Variants in PDE1A observed in about 807,000 individuals in gnomAD.
PDE1A encodes the protein dual specificity calcium/calmodulin-dependent 3',5'-cyclic nucleotide phosphodiesterase 1A.
Under a neutral mutation model 61.7 loss-of-function variants are expected in PDE1A, and 35 were observed. The observed-to-expected ratio is 0.57, with a 90% confidence interval of 0.43 to 0.75. The LOEUF is 0.75. PDE1A is among the 30% of genes least tolerant of loss of function. The pLI, the probability that PDE1A is intolerant of heterozygous loss-of-function variation, is 0.00. For synonymous variants in PDE1A, 232 were observed against 213.2 expected, an observed-to-expected ratio of 1.09 and a Z score of -0.77; for missense variants, 597 against 630.6, an observed-to-expected ratio of 0.95 and a Z score of 0.57.
At chr2:182,148,988 C>T (rs959674176) in intron 13 of PDE1A, among the ~76,000 whole-genome samples, 4 of 151,848 alleles carry the variant, frequency 2.6e-5, no homozygotes, top group African/African-American at 9.7e-5. Flanking sequence ...CATCTTATTA[C>T]TGAGTTTTGA....
chr2:182,611,002 C>G, the PDE1A span, among the ~76,000 whole-genome samples: 1 of 152,134 alleles, frequency 6.6e-6, no homozygotes, highest in Non-Finnish European at 1.5e-5. Flanking sequence ...GCTTTTTTGA[C>G]TCCTCATTTG....
chr2:182,609,885 C>T, the PDE1A span, among the ~76,000 whole-genome samples: 49 of 152,174 alleles, frequency 3.2e-4, no homozygotes, highest in South Asian at 1.0e-3. Context: ...GTCAGGAGTT[C>T]GAGACCAGCG....
At chr2:182,681,941 CG>C in the PDE1A span, among the ~76,000 whole-genome samples, 23 of 152,170 alleles carry the variant, frequency 1.5e-4, no homozygotes, top group African/African-American at 4.8e-4. Context: ...CCACCATGCC[CG>C]GCCTACTCTT....
At chr2:182,187,931 G>C (rs896959048) in intron 11 of PDE1A, among the ~76,000 whole-genome samples, 5 of 151,568 alleles carry the variant, frequency 3.3e-5, no homozygotes, top group Admixed American at 3.3e-4. Context: ...TTTTTTAGTA[G>C]AGACGGGTTT....
At chr2:182,514,515 T>C (rs1223858130) in intron 2 of PDE1A, among the ~76,000 whole-genome samples, 1 of 151,782 alleles carries the variant, frequency 6.6e-6, no homozygotes, top group East Asian at 1.9e-4. Flanking sequence ...AACCCCAAAA[T>C]AAAGTTATAA....
At chr2:182,263,229 G>T (rs1476916982) in intron 2 of PDE1A, among the ~76,000 whole-genome samples, 1 of 152,078 alleles carries the variant, frequency 6.6e-6, no homozygotes, top group Non-Finnish European at 1.5e-5. Context: ...CAAAGGGTCT[G>T]GCTAGACTGG....
At chr2:182,551,882 C>CTTCAATCTGGACCTCT in the PDE1A span, among the ~76,000 whole-genome samples, 1 of 152,138 alleles carries the variant, frequency 6.6e-6, no homozygotes, top group African/African-American at 2.4e-5. Flanking sequence ...CAGTTCTTGA[C>CTTCAATCTGGACCTCT]TTCAATCTGG....
chr2:182,195,085 C>T (rs995124271), intron 10 of PDE1A, among the ~76,000 whole-genome samples: 2 of 152,056 alleles, frequency 1.3e-5, no homozygotes, highest in South Asian at 2.1e-4. Flanking sequence ...GAAAATACTT[C>T]TCTTAATTGG....
chr2:182,370,436 T>C (rs1700069350), intron 1 of PDE1A, among the ~76,000 whole-genome samples: 1 of 152,158 alleles, frequency 6.6e-6, no homozygotes, highest in South Asian at 2.1e-4. Flanking sequence ...TGTGAGAGAC[T>C]GATGGGGAAT....
chr2:182,221,546 C>CT (rs1688728552), intron 7 of PDE1A, among the ~76,000 whole-genome samples: 1 of 152,114 alleles, frequency 6.6e-6, no homozygotes, highest in African/African-American at 2.4e-5. Context: ...TAACCAGACT[C>CT]TGACGTTTTC....
the PDE1A span, among the ~76,000 whole-genome samples, chr2:182,569,273 A>ATATATATATATATATATATATATG: frequency 6.7e-5 from 10 of 150,194 alleles, no homozygotes; most frequent in African/African-American, 2.5e-4. Flanking sequence ...ATATATATAT[A>ATATATATATATATATATATATATG]TATGTATTTC....
At chr2:182,228,885 A>C (rs1574081083) in intron 6 of PDE1A, among the ~76,000 whole-genome samples, 2 of 152,184 alleles carry the variant, frequency 1.3e-5, no homozygotes, top group African/African-American at 4.8e-5. Flanking sequence ...AGAAAGTTAC[A>C]TTTATATTTG....
chr2:182,180,567 C>T (rs116441523), intron 13 of PDE1A, among the ~76,000 whole-genome samples: 9,562 of 152,044 alleles, frequency 0.063, 418 homozygotes, highest in Non-Finnish European at 0.1. Context: ...CGTGTCCTGG[C>T]GTTGATCTTC....
In PDE1A at chr2:182,209,967, C is replaced by T. The variant is rs192755981; in HGVS notation, c.777-3902G>A. Reference sequence around the variant, plus strand: ...TCATGTTTCCTTCATGTCTTTTCACCGATTGATAGCTAATTTCCTTGCAGC... The same window carrying T: ...TCATGTTTCCTTCATGTCTTTTCACTGATTGATAGCTAATTTCCTTGCAGC... On this transcript the variant is annotated intron_variant, in intron 7 of 13. Transcript: ENST00000351439. Among the ~76,000 whole-genome samples the T allele has an allele frequency of 2.7e-3, 409 of 152,218 alleles. 1 individual carries two copies. The highest frequency in any genetic ancestry group is 9.5e-3 in the African/African-American group (396 of 41,530).
the PDE1A span, among the ~76,000 whole-genome samples, chr2:182,529,177 G>A: frequency 1.3e-5 from 2 of 152,232 alleles, no homozygotes; most frequent in African/African-American, 2.4e-5. Context: ...CATGAAAGCA[G>A]CTGGGAGGGA....
At chr2:182,254,995 C>T (rs1691671620) in intron 2 of PDE1A, among the ~76,000 whole-genome samples, 2 of 152,070 alleles carry the variant, frequency 1.3e-5, no homozygotes, top group African/African-American at 4.8e-5. Flanking sequence ...GCCAATGAAA[C>T]ATAAGGATAT....
chr2:182,230,276 T>C (rs1689472412), intron 5 of PDE1A, 130 bp from the exon 6 acceptor site: 3 of 667,594 alleles, frequency 4.5e-6, no homozygotes, highest in Admixed American at 5.9e-5. Context: ...CAAATGTTGA[T>C]TGTTCTGAAA....
chr2:182,249,767 C>T (rs907090225), intron 2 of PDE1A, among the ~76,000 whole-genome samples: 18 of 142,564 alleles, frequency 1.3e-4, no homozygotes, highest in Admixed American at 5.3e-4. Context: ...CAAACCAAAA[C>T]TCTAAAGGTA....
intron 2 of PDE1A, among the ~76,000 whole-genome samples, chr2:182,504,216 T>C (rs1689261516): frequency 6.6e-6 from 1 of 152,220 alleles, no homozygotes; most frequent in South Asian, 2.1e-4. Flanking sequence ...TTCTTTGCTT[T>C]TACTGTGAGC....
Sources: allele counts gnomAD v4.1 joint callset (sites outside exome capture counted in the v4.1 genomes callset), GRCh38; gene constraint gnomAD v4.1.1; transcripts MANE v1.5; gene names NCBI Gene and HGNC (gene_info 2026-07-23, HGNC 2026-07-21).